The following TPTE2 variants were observed in gnomAD, a reference collection of about 807,000 sequenced individuals.
TPTE2 encodes transmembrane phosphoinositide 3-phosphatase and tensin homolog 2, also known as phosphatidylinositol 3,4,5-trisphosphate 3-phosphatase TPTE2.
Under a neutral mutation model 78.6 loss-of-function variants are expected in TPTE2, and 53 were observed. That is an observed-to-expected ratio of 0.67 (90% CI 0.54 to 0.85). The LOEUF is 0.85. Ranked by LOEUF, TPTE2 falls within the 40% of genes least tolerant of loss-of-function variation. The pLI is 0.00. For missense variants in TPTE2, 461 were observed against 623.0 expected (o/e 0.74, Z 2.77); for synonymous variants, 175 against 206.2 (o/e 0.85, Z 1.30).
At chr13:19,470,800 A>G (rs1753731434) in intron 6 of TPTE2, among the ~76,000 whole-genome samples, 1 of 152,164 alleles carries the variant, frequency 6.6e-6, no homozygotes, top group Admixed American at 6.5e-5. Flanking sequence ...TGCTGGGATT[A>G]TAGAAGTGAG....
chr13:19,510,040 A>C (rs1428624911), intron 1 of TPTE2, among the ~76,000 whole-genome samples: 1 of 152,244 alleles, frequency 6.6e-6, no homozygotes, highest in Non-Finnish European at 1.5e-5. Flanking sequence ...GGAAAATTTC[A>C]AACTTCAAAA....
At chr13:19,481,065 TTAAG>T (rs1448591138) in intron 4 of TPTE2, among the ~76,000 whole-genome samples, 421 of 152,356 alleles carry the variant, frequency 2.8e-3, no homozygotes, top group African/African-American at 8.7e-3. Context: ...CATGATGTCA[TTAAG>T]TAATAAGGTT....
intron 10 of TPTE2, among the ~76,000 whole-genome samples, chr13:19,457,618 C>T (rs886611080): frequency 5.3e-5 from 8 of 151,962 alleles, no homozygotes; most frequent in South Asian, 2.1e-4. Flanking sequence ...TGAGAACATG[C>T]GATGTTTGGT....
chr13:19,454,057 G>T (rs1029856244), intron 10 of TPTE2, among the ~76,000 whole-genome samples: 10 of 152,166 alleles, frequency 6.6e-5, no homozygotes, highest in Admixed American at 6.5e-4. Context: ...CTTGCATGAG[G>T]TGGTAGCAGT....
intron 10 of TPTE2, among the ~76,000 whole-genome samples, chr13:19,452,427 G>T (rs769467446): frequency 3.2e-4 from 48 of 152,028 alleles, no homozygotes; most frequent in Non-Finnish European, 6.0e-4. Flanking sequence ...CAGAAAAATT[G>T]ACTGAATGGG....
chr13:19,559,286 A>G, the TPTE2 span, among the ~76,000 whole-genome samples: 2 of 152,352 alleles, frequency 1.3e-5, no homozygotes, highest in East Asian at 1.9e-4. Flanking sequence ...TTCAAAACCA[A>G]AAGTGGTTTC....
chr13:19,423,234 C>A, intron 19 of TPTE2, 70 bp from the exon 23 acceptor site: 1 of 1,221,490 alleles, frequency 8.2e-7, no homozygotes. Context: ...TGGGTACCCA[C>A]GTTAGAGCTG....
intron 1 of TPTE2, among the ~76,000 whole-genome samples, chr13:19,524,980 T>C (rs1334989223): frequency 2.0e-5 from 3 of 152,080 alleles, no homozygotes; most frequent in Admixed American, 1.3e-4. Context: ...TCATAGGCAA[T>C]AGAGAGTCAA....
At chr13:19,433,565 T>C (rs989715691) in intron 15 of TPTE2, among the ~76,000 whole-genome samples, 1 of 152,100 alleles carries the variant, frequency 6.6e-6, no homozygotes, top group African/African-American at 2.4e-5. Context: ...TCCTTACCCA[T>C]TGGGAAATGT....
intron 19 of TPTE2, among the ~76,000 whole-genome samples, chr13:19,423,745 T>A (rs1483076354): frequency 6.6e-6 from 1 of 152,204 alleles, no homozygotes; most frequent in Non-Finnish European, 1.5e-5. Flanking sequence ...AATTTAAATG[T>A]TACAGAAATC....
At chr13:19,497,864 G>A (rs971339184) in intron 1 of TPTE2, among the ~76,000 whole-genome samples, 40 of 150,910 alleles carry the variant, frequency 2.7e-4, no homozygotes, top group African/African-American at 7.3e-4. Flanking sequence ...GCTACGGGAG[G>A]ACATTCAAAC....
intron 4 of TPTE2, among the ~76,000 whole-genome samples, chr13:19,479,713 C>T (rs528348497): frequency 6.6e-5 from 10 of 152,008 alleles, no homozygotes; most frequent in Non-Finnish European, 1.2e-4. Flanking sequence ...CCTGTAATCC[C>T]AGCACTTTGG....
At chr13:19,538,442 A>G (rs551095325), upstream of TPTE2, among the ~76,000 whole-genome samples, 24 of 152,144 alleles carry the variant, frequency 1.6e-4, no homozygotes, top group African/African-American at 5.8e-4. Context: ...GGATGGTCTC[A>G]GTCTCCTGAC....
intron 4 of TPTE2, among the ~76,000 whole-genome samples, chr13:19,477,905 C>T (rs1880072342): frequency 6.6e-6 from 1 of 152,286 alleles, no homozygotes; most frequent in South Asian, 2.1e-4. Flanking sequence ...GAGCAACAGA[C>T]AGACACTCCA....
intron 10 of TPTE2, among the ~76,000 whole-genome samples, chr13:19,454,793 C>T (rs1878438113): frequency 6.6e-6 from 1 of 152,146 alleles, no homozygotes; most frequent in Non-Finnish European, 1.5e-5. Flanking sequence ...TTTTTAAAAA[C>T]ACCCCAGCTA....
chr13:19,475,092 A>G (rs1241727221), intron 5 of TPTE2, among the ~76,000 whole-genome samples: 1 of 152,238 alleles, frequency 6.6e-6, no homozygotes, highest in Non-Finnish European at 1.5e-5. Context: ...ACATTACATT[A>G]GATGGGGCAC....
rs541556969 is a variant in TPTE2 at position 19,465,189 on chromosome 13, C to A, written c.676+66G>T. On this transcript the variant is annotated intron_variant, in intron 9 of 19. Transcript: ENST00000400230. ...TTGAATGAATGTGTCTTAGATGAGG[C>A]AAAAAAATACAATTACAAGAAAAAG... The A allele has an allele frequency of 6.9e-6, 11 of 1,598,652 alleles. No homozygotes were observed. In the South Asian group the frequency reaches 1.2e-4, roughly 18 times the overall value.
chr13:19,561,346 C>G, the TPTE2 span: 1 of 579,840 alleles, frequency 1.7e-6, no homozygotes, highest in Non-Finnish European at 2.9e-6. Context: ...TCCTCGCGAC[C>G]GGCCTGCAGG....
chr13:19,503,128 C>A, intron 1 of TPTE2, 96 bp downstream of exon 4: 1 of 1,549,280 alleles, frequency 6.5e-7, no homozygotes. Context: ...TGCATGGATG[C>A]ATGGATGGAT....
Sources: gnomAD v4.1 joint callset for allele counts (sites outside exome capture counted in the v4.1 genomes callset) on GRCh38, gnomAD v4.1.1 for gene constraint, MANE v1.5 for transcripts, NCBI Gene and HGNC (gene_info 2026-07-23, HGNC 2026-07-21) for gene names.